Variants in KMT2C observed in about 807,000 individuals in gnomAD.
KMT2C encodes lysine methyltransferase 2C.
In KMT2C, 88 loss-of-function variants were observed where a neutral mutation model predicts 507.9. That is an observed-to-expected ratio of 0.17 (90% confidence interval 0.15 to 0.21). The LOEUF (loss-of-function observed/expected upper bound fraction) is 0.21, where lower values mean the gene tolerates loss of function less well. KMT2C is among the 10% of genes least tolerant of loss of function. The pLI, the probability that KMT2C is intolerant of heterozygous loss-of-function variation, is 1.00. For synonymous variants in KMT2C, 2,049 were observed against 2,080.8 expected, an observed-to-expected ratio of 0.98 and a Z score of 0.42; for missense variants, 4,954 against 5,957.8, an observed-to-expected ratio of 0.83 and a Z score of 5.55.
intron 6 of KMT2C, among the ~76,000 whole-genome samples, chr7:152,275,222 G>A (rs2096060182): frequency 6.6e-6 from 1 of 152,116 alleles, no homozygotes; most frequent in Admixed American, 6.6e-5. Flanking sequence ...GACTCCTGAG[G>A]GCTGAATCAG....
chr7:152,211,074 G>A (rs2094445074), intron 23 of KMT2C, among the ~76,000 whole-genome samples: 1 of 152,130 alleles, frequency 6.6e-6, no homozygotes, highest in South Asian at 2.1e-4. Flanking sequence ...ATCAAAAATA[G>A]ACAAAAACAG....
chr7:152,342,181 T>C (rs1739011291), intron 2 of KMT2C, among the ~76,000 whole-genome samples: 3 of 152,110 alleles, frequency 2.0e-5, no homozygotes, highest in African/African-American at 4.8e-5. Flanking sequence ...CAGCTAAAAA[T>C]TAACAAATAA....
intron 2 of KMT2C, among the ~76,000 whole-genome samples, chr7:152,337,615 T>A (rs1441056070): frequency 6.6e-6 from 1 of 152,228 alleles, no homozygotes; most frequent in Non-Finnish European, 1.5e-5. Context: ...CTGCTAGCAA[T>A]GTGACCTTTG....
Position 152,224,491 on chromosome 7 carries a change from G to C in KMT2C, c.3102C>G (p.Thr1034=). ...LCDDCDISYH[T]YCLDPPLQTV... is the part of the protein sequence containing the mutation. ...TCTGCAATGGAGGGTCTAGGCAGTAGGTGTGATAACTTATGTCACAGTCAT... is the reference window on the plus strand; with the variant it reads ...TCTGCAATGGAGGGTCTAGGCAGTACGTGTGATAACTTATGTCACAGTCAT... Residue 1034 remains threonine (T), a synonymous_variant, in exon 19 of 59, where the codon ACC becomes ACG. Transcript: ENST00000262189. 1 of 1,611,884 alleles carries C rather than the reference G, an allele frequency of 6.2e-7. No individual in the cohort carries two copies. The highest frequency in any genetic ancestry group is 8.5e-7 in the Non-Finnish European group (1 of 1,179,816).
rs373539339 is a variant in KMT2C at position 152,180,699 on chromosome 7, C to T, written c.7149+12G>A. On this transcript the variant is annotated intron_variant, in intron 36 of 58. Transcript: ENST00000262189. The stretch of plus-strand genomic sequence containing the variant: ...TAATACATTTAAAACTGAGAACATA[C>T]AATGTGTTTACCTGTCTCAATTTCT... 1.3e-6 allele frequency: 2 copies of T among 1,573,896 alleles called. No homozygotes were observed. The highest frequency in any genetic ancestry group is 1.4e-5 in the African/African-American group (1 of 73,800).
At chr7:152,377,906 C>G (rs563125740) in intron 1 of KMT2C, among the ~76,000 whole-genome samples, 1 of 152,232 alleles carries the variant, frequency 6.6e-6, no homozygotes, top group African/African-American at 2.4e-5. Flanking sequence ...TTCCAACTCT[C>G]ATGGATAACT....
chr7:152,368,438 T>C (rs915426430), intron 1 of KMT2C: 2 of 1,164,264 alleles, frequency 1.7e-6, no homozygotes, highest in Admixed American at 2.0e-5. Context: ...GTGTTAGAGA[T>C]GAAGGTCAAA....
intron 43 of KMT2C, among the ~76,000 whole-genome samples, chr7:152,160,067 A>C (rs73730362): frequency 0.01 from 1,570 of 152,356 alleles, 38 homozygotes; most frequent in African/African-American, 0.036. Flanking sequence ...TTCATAAATC[A>C]ATGAGCTTGG....
At chr7:152,217,841 A>G (rs1309833484) in intron 23 of KMT2C, among the ~76,000 whole-genome samples, 1 of 152,226 alleles carries the variant, frequency 6.6e-6, no homozygotes, top group African/African-American at 2.4e-5. Context: ...TAATTTGGGA[A>G]ACAATGTGTA....
At chr7:152,358,417 C>G (rs2097169605) in intron 2 of KMT2C, among the ~76,000 whole-genome samples, 170 bp downstream of exon 2, 1 of 152,056 alleles carries the variant, frequency 6.6e-6, no homozygotes, top group Non-Finnish European at 1.5e-5. Context: ...ATAGAGGGCT[C>G]AGTTTTTTCA....
At chr7:152,393,920 A>AT (rs34910409) in intron 1 of KMT2C, among the ~76,000 whole-genome samples, 3 of 151,456 alleles carry the variant, frequency 2.0e-5, no homozygotes, top group Non-Finnish European at 4.4e-5. Context: ...AAAAAAAAAA[A>AT]TCTGCTAAGG....
chr7:152,322,029 T>C (rs748584978), intron 3 of KMT2C, among the ~76,000 whole-genome samples: 4 of 151,426 alleles, frequency 2.6e-5, no homozygotes, highest in African/African-American at 7.3e-5. Context: ...TACAAAATGA[T>C]TGTAATCAAA....
intron 18 of KMT2C, among the ~76,000 whole-genome samples, chr7:152,225,611 C>T (rs1329005467): frequency 2.0e-5 from 3 of 152,102 alleles, no homozygotes; most frequent in East Asian, 1.9e-4. Context: ...TAGAGATATG[C>T]GGAACAGAAT....
At chr7:152,288,941 C>T (rs1484150581) in intron 6 of KMT2C, among the ~76,000 whole-genome samples, 14 of 152,266 alleles carry the variant, frequency 9.2e-5, no homozygotes, top group African/African-American at 3.4e-4. Context: ...CAAAAACATC[C>T]ATTAGTAATG....
Position 152,381,124 on chromosome 7 carries a change from G to A in KMT2C, c.162-22449C>T, listed in dbSNP as rs1343924472. Among the ~76,000 whole-genome samples the A allele has an allele frequency of 4.6e-5, 7 of 152,114 alleles. No homozygotes were observed. The South Asian group carries it at 6.2e-4, about 13-fold the overall frequency. ...AGCAACTTGAGTGGTCAGTCATCAA[G>A]TTTTGTTCTGTTTTTAATTCACAAT... On this transcript the variant is annotated intron_variant, in intron 1 of 58. Coordinates refer to ENST00000262189, the MANE Select transcript of KMT2C (RefSeq NM_170606.3).
chr7:152,275,779 CAATCTGTTGAAAAATGTTTATAACA>C (rs1388279935), intron 6 of KMT2C, among the ~76,000 whole-genome samples: 1 of 152,142 alleles, frequency 6.6e-6, no homozygotes, highest in Non-Finnish European at 1.5e-5. Flanking sequence ...AAAGTACAAT[CAATCTGTTGAAAAATGTTTATAACA>C]ACTCATTAAC....
chr7:152,398,159 G>C (rs546042921), intron 1 of KMT2C, among the ~76,000 whole-genome samples: 14 of 152,232 alleles, frequency 9.2e-5, no homozygotes, highest in Admixed American at 5.2e-4. Context: ...CAGTATTTGA[G>C]ACTAATTACG....
intron 9 of KMT2C, among the ~76,000 whole-genome samples, 178 bp downstream of exon 9, chr7:152,262,838 T>C (rs1023151045): frequency 3.9e-5 from 6 of 152,322 alleles, no homozygotes; most frequent in African/African-American, 1.4e-4. Flanking sequence ...TTGAGGGTGA[T>C]GACTATGTTC....
intron 1 of KMT2C, among the ~76,000 whole-genome samples, chr7:152,379,793 A>T (rs1373779564): frequency 5.3e-5 from 8 of 152,290 alleles, no homozygotes; most frequent in Admixed American, 5.2e-4. Context: ...AGAGAGAGAG[A>T]GACTTCAAAA....
Sources: gnomAD v4.1 joint callset for allele counts (sites outside exome capture counted in the v4.1 genomes callset) on GRCh38, gnomAD v4.1.1 for gene constraint, MANE v1.5 for transcripts, NCBI Gene and HGNC (gene_info 2026-07-23, HGNC 2026-07-21) for gene names.